The following GDPD5 variants were observed in gnomAD, a reference collection of about 807,000 sequenced individuals.
The protein encoded by GDPD5 is glycerophosphodiester phosphodiesterase domain containing 5, also known as glycerophosphodiester phosphodiesterase 2.
In GDPD5, 48 loss-of-function variants were observed where a neutral mutation model predicts 75.1. The observed-to-expected ratio is 0.64, with a 90% confidence interval of 0.51 to 0.81. GDPD5 has a LOEUF of 0.81. Among genes scored for constraint, GDPD5 ranks in the 40% least tolerant of loss-of-function variants. The pLI, the probability that GDPD5 is intolerant of heterozygous loss-of-function variation, is 0.00. For missense variants in GDPD5, 706 were observed against 822.6 expected, an observed-to-expected ratio of 0.86 and a Z score of 1.73; for synonymous variants, 336 against 339.0, an observed-to-expected ratio of 0.99 and a Z score of 0.10.
Position 75,449,508 on chromosome 11 carries a change from T to A in GDPD5, c.568+9A>T, listed in dbSNP as rs1383508852. ...ATTGGAGGGGCAGGCCCTTCACAGT[T>A]CTACTCACAGGTCCGCTCTGCGCGG... On this transcript the variant is annotated intron_variant, in intron 8 of 16. Transcript: ENST00000336898. The A allele has an allele frequency of 2.6e-6, 4 of 1,562,524 alleles. No individual in the cohort carries two copies. Among genetic ancestry groups the A allele is most frequent in the Non-Finnish European group, 3.5e-6 (4 of 1,152,588 alleles).
At chr11:75,466,556 C>G (rs1049516816) in intron 3 of GDPD5, among the ~76,000 whole-genome samples, 2 of 152,154 alleles carry the variant, frequency 1.3e-5, no homozygotes, top group Non-Finnish European at 1.5e-5. Flanking sequence ...TGCCTCAATG[C>G]CCCGGCCACG....
In GDPD5 at chr11:75,441,320, A is replaced by G. The variant is rs1948793520; in HGVS notation, c.1326-10T>C. ...CCAGGACGCGTAGTCCCTGTGGGGC[A>G]GGGGAGAGGCAGGTCAGCATGCGGA... On this transcript the variant is annotated splice_polypyrimidine_tract_variant and intron_variant, in intron 13 of 16. Transcript: ENST00000336898. 6.2e-7 allele frequency: 1 copy of G among 1,614,056 alleles called. No individual in the cohort carries two copies. The highest frequency in any genetic ancestry group is 1.3e-5 in the African/African-American group (1 of 75,044).
intron 4 of GDPD5, among the ~76,000 whole-genome samples, chr11:75,458,877 G>A (rs1037219071): frequency 3.3e-5 from 5 of 151,960 alleles, no homozygotes; most frequent in African/African-American, 1.2e-4. Flanking sequence ...TGACCTCCTG[G>A]GCTCAAGCAA....
chr11:75,461,348 C>A (rs1317587975), intron 4 of GDPD5, among the ~76,000 whole-genome samples: 2 of 152,192 alleles, frequency 1.3e-5, no homozygotes, highest in Non-Finnish European at 2.9e-5. Flanking sequence ...CCAGAGGCCA[C>A]CTCTGGGACT....
intron 1 of GDPD5, among the ~76,000 whole-genome samples, chr11:75,497,089 G>C (rs117368330): frequency 0.013 from 1,908 of 152,128 alleles, 11 homozygotes; most frequent in Middle Eastern, 0.034. Flanking sequence ...GGCTGCAGTA[G>C]ATATTTTTTA....
At chr11:75,481,253 C>T (rs571739020) in intron 2 of GDPD5, among the ~76,000 whole-genome samples, 2 of 152,310 alleles carry the variant, frequency 1.3e-5, no homozygotes, top group African/African-American at 2.4e-5. Flanking sequence ...GGGCTTCAGG[C>T]CCACTCACTA....
intron 2 of GDPD5, among the ~76,000 whole-genome samples, chr11:75,482,035 C>T (rs1025129684): frequency 6.6e-5 from 10 of 152,188 alleles, no homozygotes; most frequent in African/African-American, 1.2e-4. Flanking sequence ...CGTGGGAGCC[C>T]GCCCCAGGTT....
intron 3 of GDPD5, among the ~76,000 whole-genome samples, chr11:75,475,303 G>T (rs1017991885): frequency 6.6e-6 from 1 of 152,168 alleles, no homozygotes; most frequent in Non-Finnish European, 1.5e-5. Flanking sequence ...TGGGGCGGGG[G>T]TGGTGAGAAT....
chr11:75,478,647 T>C (rs1949834606), intron 2 of GDPD5, among the ~76,000 whole-genome samples: 1 of 152,250 alleles, frequency 6.6e-6, no homozygotes. Flanking sequence ...CTGTTGTATT[T>C]TCTGCTGTAT....
chr11:75,519,882 C>T (rs1473367591), intron 1 of GDPD5, among the ~76,000 whole-genome samples: 3 of 152,218 alleles, frequency 2.0e-5, no homozygotes, highest in African/African-American at 7.2e-5. Context: ...TGAGCAGCAC[C>T]AAATAAATGC....
intron 1 of GDPD5, among the ~76,000 whole-genome samples, chr11:75,523,459 C>T (rs986734875): frequency 3.3e-5 from 5 of 152,314 alleles, no homozygotes; most frequent in Admixed American, 3.3e-4. Flanking sequence ...CGAGACTGGG[C>T]CATTAATAAC....
intron 3 of GDPD5, among the ~76,000 whole-genome samples, chr11:75,468,777 A>G (rs150814576): frequency 6.6e-6 from 1 of 152,178 alleles, no homozygotes; most frequent in African/African-American, 2.4e-5. Flanking sequence ...CCAAAGGGTA[A>G]GAAATATTGG....
chr11:75,452,601 A>G (rs1393723391), intron 6 of GDPD5, among the ~76,000 whole-genome samples: 1 of 152,224 alleles, frequency 6.6e-6, no homozygotes, highest in East Asian at 1.9e-4. Flanking sequence ...CCTGGCACAC[A>G]CAGGAGGTGC....
chr11:75,496,779 C>CTTTCTTTTTTTTTTTTT (rs58663409), intron 1 of GDPD5, among the ~76,000 whole-genome samples: 142 of 103,116 alleles, frequency 1.4e-3, no homozygotes, highest in Non-Finnish European at 1.8e-3. Flanking sequence ...TTCTTTCTTT[C>CTTTCTTTTTTTTTTTTT]TTTTTTTTTT....
chr11:75,453,513 G>A (rs1565190388), intron 6 of GDPD5, among the ~76,000 whole-genome samples: 1 of 151,986 alleles, frequency 6.6e-6, no homozygotes. Flanking sequence ...AGCTACTCGG[G>A]AGGCTGAGGC....
chr11:75,524,502 C>A (rs951100401), intron 1 of GDPD5, among the ~76,000 whole-genome samples: 15 of 152,152 alleles, frequency 9.9e-5, no homozygotes, highest in African/African-American at 2.4e-5. Context: ...CCTCAGTGTC[C>A]CCATTAGTAA....
chr11:75,449,119 G>A lies in GDPD5; in HGVS notation c.572C>T (p.Ser191Phe). 1 of 1,581,730 alleles carries A rather than the reference G, an allele frequency of 6.3e-7. No individual in the cohort carries two copies. Among genetic ancestry groups the A allele is most frequent in the African/African-American group, 1.3e-5 (1 of 74,194 alleles). Reference sequence around the variant, plus strand: ...GAAGGTACAGAGAATGGTCACCTGGGAGGCTGCAGATAAGGGGCCGTGAGT... The same window carrying A: ...GAAGGTACAGAGAATGGTCACCTGGAAGGCTGCAGATAAGGGGCCGTGAGT... ...GQFARAERTS[S>F]QVTILCTFFT... Residue 191 changes from serine to phenylalanine, a missense_variant, in exon 9 of 17, where the codon TCC (serine) becomes TTC (phenylalanine). Transcript: ENST00000336898.
At chr11:75,461,988 T>A (rs2135292471) in intron 4 of GDPD5, among the ~76,000 whole-genome samples, 1 of 152,232 alleles carries the variant, frequency 6.6e-6, no homozygotes, top group Admixed American at 6.5e-5. Flanking sequence ...TGTACCCAGG[T>A]AAGTGGCTCA....
At chr11:75,446,106 G>C (rs1233843613) in intron 9 of GDPD5, among the ~76,000 whole-genome samples, 1 of 152,236 alleles carries the variant, frequency 6.6e-6, no homozygotes, top group Non-Finnish European at 1.5e-5. Flanking sequence ...CCTGCGGCCA[G>C]GCCTTCCATC....
Sources: allele counts gnomAD v4.1 joint callset (sites outside exome capture counted in the v4.1 genomes callset), GRCh38; gene constraint gnomAD v4.1.1; transcripts MANE v1.5; gene names NCBI Gene and HGNC (gene_info 2026-07-23, HGNC 2026-07-21).